SEC14L5: variants seen among roughly 807,000 people sequenced by gnomAD.
SEC14L5 encodes the protein SEC14 like lipid binding 5, also known as SEC14-like protein 5.
SEC14L5 carries 96 observed loss-of-function variants against 84.6 expected under a neutral mutation model. That is an observed-to-expected ratio of 1.13 (90% CI 0.96 to 1.34). The LOEUF (loss-of-function observed/expected upper bound fraction) is 1.34, where lower values mean the gene tolerates loss of function less well. Among genes scored for constraint, SEC14L5 ranks in the 40% most tolerant of loss-of-function variants. The pLI is 0.00. For synonymous variants in SEC14L5, 546 were observed against 383.4 expected (o/e 1.42, Z -4.95); for missense variants, 1,224 against 942.5 (o/e 1.30, Z -3.91).
intron 14 of SEC14L5, among the ~76,000 whole-genome samples, chr16:5,010,188 C>CAAA (rs59942135): frequency 2.3e-5 from 1 of 43,646 alleles, no homozygotes. Context: ...ACTAAAAATA[C>CAAA]AAAAAAAAAA....
chr16:5,005,995 G>A lies in SEC14L5; in HGVS notation c.1384G>A (p.Val462Met). ...GSNYQGPGGL[V>M]DYLDREVIPD... ...CAACTACCAGGGACCCGGAGGCCTT[G>A]TGGACTATCTGGATAGAGAAGTGAT... Residue 462 changes from valine (V) to methionine (M), a missense_variant, in exon 12 of 16, where the codon GTG becomes ATG. Val to Met is a conservative substitution (Grantham distance 21). Transcript: ENST00000251170. The A allele has an allele frequency of 6.2e-7, 1 of 1,613,752 alleles. No homozygotes were observed. The highest frequency in any genetic ancestry group is 8.5e-7 in the Non-Finnish European group (1 of 1,179,778).
At chr16:4,998,760 A>T (rs978701562) in intron 8 of SEC14L5, among the ~76,000 whole-genome samples, 47 of 140,884 alleles carry the variant, frequency 3.3e-4, no homozygotes, top group Middle Eastern at 3.5e-3. Flanking sequence ...AAAAAAAAAA[A>T]AAAAAATAAA....
At chr16:4,971,269 G>T (rs539951831) in intron 2 of SEC14L5, among the ~76,000 whole-genome samples, 2 of 152,036 alleles carry the variant, frequency 1.3e-5, no homozygotes, top group African/African-American at 4.8e-5. Flanking sequence ...GACCAGCCTC[G>T]GCAACACAGT....
intron 2 of SEC14L5, among the ~76,000 whole-genome samples, chr16:4,963,978 C>A (rs1278566853): frequency 6.6e-6 from 1 of 152,232 alleles, no homozygotes; most frequent in Non-Finnish European, 1.5e-5. Flanking sequence ...TGAGCCACTG[C>A]GCTCAGCCTT....
At chr16:4,994,617 T>C (rs1955589171) in intron 6 of SEC14L5, among the ~76,000 whole-genome samples, 1 of 152,204 alleles carries the variant, frequency 6.6e-6, no homozygotes, top group African/African-American at 2.4e-5. Flanking sequence ...GTGCTGAAAT[T>C]ACATGCAACA....
At position 4,978,847 on chromosome 16, in the gene SEC14L5, C is replaced by T. The variant is rs189867929; in HGVS notation, c.64-8710C>T. Among the ~76,000 whole-genome samples the T allele has an allele frequency of 5.3e-5, 8 of 152,204 alleles. 1 individual carries two copies. Among genetic ancestry groups the T allele is most frequent in the South Asian group, 4.2e-4 (2 of 4,816 alleles). ...CGATCGCTTGACCTCGTGATCTGCC[C>T]GCCTTGGCCTCCCAAAGTGCTGGGA... is the stretch of plus-strand genomic sequence containing the variant. On this transcript the variant is annotated intron_variant, in intron 2 of 15. Coordinates refer to ENST00000251170, the MANE Select transcript of SEC14L5 (RefSeq NM_014692.2).
intron 2 of SEC14L5, among the ~76,000 whole-genome samples, chr16:4,986,189 G>C (rs1955485173): frequency 6.6e-6 from 1 of 151,562 alleles, no homozygotes. Context: ...GCCCAGACTG[G>C]AGTGCAATGG....
At position 4,990,916 on chromosome 16, in the gene SEC14L5, G is replaced by C. The variant is rs368018375; in HGVS notation, c.474+21G>C. ...AGAGGGTAAGCGGTGGGTTGCGTTA[G>C]TTACTGGAGGAAGGTGCACACACCT... On this transcript the variant is annotated intron_variant, in intron 5 of 15. Transcript: ENST00000251170. The C allele has an allele frequency of 2.5e-4, 379 of 1,543,014 alleles. 1 individual carries two copies. Among genetic ancestry groups the C allele is most frequent in the Middle Eastern group, 1.4e-3 (8 of 5,898 alleles).
intron 2 of SEC14L5, among the ~76,000 whole-genome samples, chr16:4,969,685 G>A (rs1282878078): frequency 6.6e-6 from 1 of 152,130 alleles, no homozygotes; most frequent in Non-Finnish European, 1.5e-5. Context: ...TGACCGGCCT[G>A]ATCTGGTACT....
At chr16:5,003,611 GTGGGTGGGAT>G in intron 11 of SEC14L5, 38 bp downstream of exon 11, 1 of 1,054,702 alleles carries the variant, frequency 9.5e-7, no homozygotes, top group Non-Finnish European at 1.4e-6. Flanking sequence ...CTCCCTGGGG[GTGGGTGGGAT>G]GGGAGGGGTT....
rs1295740906 is a variant in SEC14L5 at position 4,996,950 on chromosome 16, C to T, written c.876C>T (p.Arg292=). Residue 292 remains arginine (R), a synonymous_variant, in exon 8 of 16, where the codon CGC becomes CGT. Coordinates refer to ENST00000251170, the MANE Select transcript of SEC14L5 (RefSeq NM_014692.2). ...TGCTGCGCCAGTCCTTGAGCTGGCGCAAGCAGCACCAGGTGGATCTCCTCC... is the reference window on the plus strand; with the variant it reads ...TGCTGCGCCAGTCCTTGAGCTGGCGTAAGCAGCACCAGGTGGATCTCCTCC... ...REMLRQSLSW[R]KQHQVDLLLQ... 6.2e-6 allele frequency: 10 copies of T among 1,613,666 alleles called. No individual in the cohort carries two copies. The highest frequency in any genetic ancestry group is 3.3e-4 in the Middle Eastern group (2 of 6,062).
chr16:4,966,014 C>T (rs917325169), intron 2 of SEC14L5, among the ~76,000 whole-genome samples: 2 of 152,012 alleles, frequency 1.3e-5, no homozygotes, highest in African/African-American at 4.8e-5. Flanking sequence ...TGCAGTCCAC[C>T]CTGGGCAACA....
intron 2 of SEC14L5, among the ~76,000 whole-genome samples, chr16:4,987,001 C>T (rs1026700604): frequency 6.6e-6 from 1 of 152,132 alleles, no homozygotes; most frequent in Non-Finnish European, 1.5e-5. Context: ...TTACTTCTTC[C>T]TTTCCAACTG....
At position 5,007,398 on chromosome 16, in the gene SEC14L5, C is replaced by T. The variant is rs939258521; in HGVS notation, c.1484C>T (p.Thr495Ile). ...GGLVPKSLYM[T>I]EEEQEHTDQL... ...CTGGTCCCCAAGTCCCTCTACATGA[C>T]AGAAGAGGAGCAGGAGCACACGGAC... Residue 495 changes from threonine to isoleucine, a missense_variant, in exon 13 of 16, where the codon ACA becomes ATA. Thr to Ile is a moderately conservative substitution (Grantham distance 89). Transcript: ENST00000251170. 6.2e-7 allele frequency: 1 copy of T among 1,613,384 alleles called. No homozygotes were observed. The highest frequency in any genetic ancestry group is 1.3e-5 in the African/African-American group (1 of 75,024).
intron 7 of SEC14L5, 117 bp from the exon 8 acceptor site, chr16:4,996,738 A>C (rs1955614681): frequency 2.5e-6 from 2 of 802,826 alleles, no homozygotes; most frequent in Non-Finnish European, 3.9e-6. Flanking sequence ...CGCCTGGCTA[A>C]TTTCTGTACT....
At chr16:5,006,522 C>T (rs145984876) in intron 12 of SEC14L5, among the ~76,000 whole-genome samples, 118 of 152,270 alleles carry the variant, frequency 7.7e-4, no homozygotes, top group African/African-American at 2.7e-3. Flanking sequence ...AGTGTCCAGG[C>T]CCCTTTTATT....
chr16:4,983,528 GTATATT>G (rs1454721260), intron 2 of SEC14L5, among the ~76,000 whole-genome samples: 2 of 149,680 alleles, frequency 1.3e-5, no homozygotes, highest in Non-Finnish European at 3.0e-5. Context: ...TATAAATTGT[GTATATT>G]TATATTAACA....
chr16:4,993,910 G>A (rs1289888660), intron 6 of SEC14L5, among the ~76,000 whole-genome samples: 2 of 147,538 alleles, frequency 1.4e-5, no homozygotes, highest in Non-Finnish European at 3.0e-5. Flanking sequence ...TTAGTGACAA[G>A]TTTTTTCATT....
chr16:4,963,426 A>T (rs1955153673), intron 2 of SEC14L5, among the ~76,000 whole-genome samples: 1 of 151,448 alleles, frequency 6.6e-6, no homozygotes, highest in Admixed American at 6.6e-5. Context: ...GCTGACTGCA[A>T]CCTCCGCCTT....
Sources: gnomAD v4.1 joint callset for allele counts (sites outside exome capture counted in the v4.1 genomes callset) on GRCh38, gnomAD v4.1.1 for gene constraint, MANE v1.5 for transcripts, NCBI Gene and HGNC (gene_info 2026-07-23, HGNC 2026-07-21) for gene names.